Variants in LYPLA1 observed in about 807,000 individuals in gnomAD.
LYPLA1 encodes the protein lysophospholipase 1, also known as acyl-protein thioesterase 1.
Under a neutral mutation model 34.0 loss-of-function variants are expected in LYPLA1, and 17 were observed. That is an observed-to-expected ratio of 0.50 (90% CI 0.34 to 0.75). The LOEUF (loss-of-function observed/expected upper bound fraction) is 0.75. Among genes scored for constraint, LYPLA1 ranks in the 30% least tolerant of loss-of-function variants. LYPLA1 has a pLI of 0.01. For synonymous variants in LYPLA1, 98 were observed against 100.8 expected (o/e 0.97, Z 0.17); for missense variants, 203 against 288.8 (o/e 0.70, Z 2.15).
chr8:54,073,856 C>T (rs1185540166), intron 2 of LYPLA1, among the ~76,000 whole-genome samples: 3 of 152,174 alleles, frequency 2.0e-5, no homozygotes, highest in African/African-American at 7.2e-5. Context: ...CTACCAAAGT[C>T]TTCTTAATAT....
intron 7 of LYPLA1, among the ~76,000 whole-genome samples, chr8:54,052,207 T>C (rs538881868): frequency 6.6e-6 from 1 of 152,356 alleles, no homozygotes; most frequent in South Asian, 2.1e-4. Context: ...ATATATATCC[T>C]AAAATGTATC....
chr8:54,061,895 GC>G (rs1461948143), intron 5 of LYPLA1, among the ~76,000 whole-genome samples: 1 of 152,090 alleles, frequency 6.6e-6, no homozygotes, highest in Non-Finnish European at 1.5e-5. Flanking sequence ...TGCTCTGGTT[GC>G]CCAGGCTGGA....
chr8:54,043,655 G>A (rs1276566151), downstream of LYPLA1, among the ~76,000 whole-genome samples: 2 of 151,920 alleles, frequency 1.3e-5, no homozygotes, highest in African/African-American at 2.4e-5. Context: ...ACAGCCTCCT[G>A]GGTTCAAGCA....
intron 2 of LYPLA1, among the ~76,000 whole-genome samples, chr8:54,081,874 CA>C (rs1808350235): frequency 6.6e-6 from 1 of 152,072 alleles, no homozygotes; most frequent in South Asian, 2.1e-4. Context: ...CGATTACAGG[CA>C]TGTGCCACCA....
At chr8:54,072,867 C>G (rs546820793) in intron 2 of LYPLA1, among the ~76,000 whole-genome samples, 1 of 149,902 alleles carries the variant, frequency 6.7e-6, no homozygotes, top group Non-Finnish European at 1.5e-5. Context: ...GTAGTCCCAG[C>G]TACTCAGGAG....
At chr8:54,090,741 T>A (rs146861583) in intron 2 of LYPLA1, among the ~76,000 whole-genome samples, 3 of 152,142 alleles carry the variant, frequency 2.0e-5, no homozygotes, top group African/African-American at 7.2e-5. Context: ...GAGAGCCCCA[T>A]TGCATTGCGG....
chr8:54,101,650 C>T, intron 1 of LYPLA1, 105 bp downstream of exon 1: 1 of 1,164,736 alleles, frequency 8.6e-7, no homozygotes. Flanking sequence ...GAGGAGCGTC[C>T]TCGTCCGCAG....
At chr8:54,070,925 G>GAT (rs1807414485) in intron 2 of LYPLA1, among the ~76,000 whole-genome samples, 1 of 152,142 alleles carries the variant, frequency 6.6e-6, no homozygotes, top group African/African-American at 2.4e-5. Flanking sequence ...AATTGACTGT[G>GAT]GTGATGGTTG....
In LYPLA1 at chr8:54,059,320, C is replaced by T. The variant is rs184345225; in HGVS notation, c.286+2934G>A. Reference sequence around the variant, plus strand: ...CCCTGTTTTTTTTTTTTTTTTGAGACGGAGTCTCGCTCTGTTGCCCAGGCC... The same window carrying T: ...CCCTGTTTTTTTTTTTTTTTTGAGATGGAGTCTCGCTCTGTTGCCCAGGCC... On this transcript the variant is annotated intron_variant, in intron 5 of 8. Coordinates refer to ENST00000316963, the MANE Select transcript of LYPLA1 (RefSeq NM_006330.4). Among the ~76,000 whole-genome samples the T allele has an allele frequency of 5.4e-4, 35 of 65,400 alleles. 7 individuals are homozygous for T. The highest frequency in any genetic ancestry group is 3.5e-3 in the African/African-American group (11 of 3,184). The allele number at this position is 65,400 out of a possible 152,430, so 42.9% of individuals were successfully genotyped here.
chr8:54,101,153 G>GA (rs1211351043), intron 1 of LYPLA1, among the ~76,000 whole-genome samples: 1 of 150,560 alleles, frequency 6.6e-6, no homozygotes, highest in African/African-American at 2.5e-5. Context: ...AATGGGGGGG[G>GA]GGTAGCACTG....
At chr8:54,045,819 G>C (rs906059344), downstream of LYPLA1, among the ~76,000 whole-genome samples, 1 of 152,202 alleles carries the variant, frequency 6.6e-6, no homozygotes. Context: ...CCAGCACTTT[G>C]GGAGGCTGAA....
downstream of LYPLA1, chr8:54,046,282 C>A (rs1805483367): frequency 6.6e-6 from 1 of 152,154 alleles, no homozygotes; most frequent in Non-Finnish European, 1.5e-5. Flanking sequence ...AATATATATT[C>A]TTTTAAGTAC....
At chr8:54,082,476 G>C (rs1808393842) in intron 2 of LYPLA1, among the ~76,000 whole-genome samples, 1 of 152,068 alleles carries the variant, frequency 6.6e-6, no homozygotes, top group Non-Finnish European at 1.5e-5. Context: ...TGTATCTACA[G>C]TTTTAGAATG....
At chr8:54,066,097 C>T (rs555060263) in intron 2 of LYPLA1, among the ~76,000 whole-genome samples, 5 of 152,006 alleles carry the variant, frequency 3.3e-5, no homozygotes, top group Non-Finnish European at 5.9e-5. Flanking sequence ...CCACCACGCC[C>T]GGCTAATTTT....
At chr8:54,074,178 A>G (rs999058488) in intron 2 of LYPLA1, among the ~76,000 whole-genome samples, 1 of 152,140 alleles carries the variant, frequency 6.6e-6, no homozygotes, top group Non-Finnish European at 1.5e-5. Flanking sequence ...GGAGACTGAG[A>G]TAGGAGAATG....
intron 5 of LYPLA1, among the ~76,000 whole-genome samples, chr8:54,061,855 T>TTTTG (rs1226894072): frequency 6.6e-6 from 1 of 151,980 alleles, no homozygotes; most frequent in Non-Finnish European, 1.5e-5. Context: ...TTTGGTTTGT[T>TTTTG]TTTGTTTTTG....
In LYPLA1 at chr8:54,096,738, G is replaced by C. The variant is rs564114559; in HGVS notation, c.101+4170C>G. On this transcript the variant is annotated intron_variant, in intron 2 of 8. Transcript: ENST00000316963. ...AGCCTGGACGACAGGGCGAGACAAG[G>C]TCTCAAAAAAAAAAAAAAAAATTAG... 4.1e-5 allele frequency among the ~76,000 whole-genome samples: 6 copies of C among 147,710 alleles called. No individual in the cohort carries two copies. In the East Asian group the frequency reaches 1.2e-3, roughly 29 times the overall value.
chr8:54,077,825 G>A (rs754922613), intron 2 of LYPLA1, among the ~76,000 whole-genome samples: 14 of 152,240 alleles, frequency 9.2e-5, no homozygotes, highest in South Asian at 2.1e-4. Flanking sequence ...AATAATGGTC[G>A]CCTCTGGGAT....
intron 5 of LYPLA1, among the ~76,000 whole-genome samples, chr8:54,057,806 T>C (rs375855793): frequency 6.6e-6 from 1 of 152,192 alleles, no homozygotes; most frequent in East Asian, 1.9e-4. Flanking sequence ...TACAAGAGTG[T>C]AAATGGATTC....
Sources: gnomAD v4.1 joint callset for allele counts (sites outside exome capture counted in the v4.1 genomes callset) on GRCh38, gnomAD v4.1.1 for gene constraint, MANE v1.5 for transcripts, NCBI Gene and HGNC (gene_info 2026-07-23, HGNC 2026-07-21) for gene names.